Variants in NDUFAF6 observed in about 807,000 individuals in gnomAD.
The protein encoded by NDUFAF6 is NADH dehydrogenase (ubiquinone) complex I, assembly factor 6.
A neutral mutation model predicts 40.8 loss-of-function variants in NDUFAF6; 45 were observed. The observed-to-expected ratio is 1.10, with a 90% CI of 0.87 to 1.42. The LOEUF (loss-of-function observed/expected upper bound fraction) is 1.42, where lower values mean the gene tolerates loss of function less well. Among genes scored for constraint, NDUFAF6 ranks in the 40% most tolerant of loss-of-function variants. The pLI is 0.00. For missense variants in NDUFAF6, 435 were observed against 418.5 expected (o/e 1.04, Z -0.34); for synonymous variants, 185 against 155.9 (o/e 1.19, Z -1.39).
At chr8:95,048,651 C>A in intron 7 of NDUFAF6, 93 bp downstream of exon 7, 1 of 916,722 alleles carries the variant, frequency 1.1e-6, no homozygotes, top group Non-Finnish European at 1.8e-6. Flanking sequence ...CCCAACTTGG[C>A]AGTCTTTTTT....
chr8:94,911,966 G>C (rs1399730649), intron 1 of NDUFAF6, among the ~76,000 whole-genome samples: 1 of 152,172 alleles, frequency 6.6e-6, no homozygotes, highest in African/African-American at 2.4e-5. Flanking sequence ...ACTGCTGTTC[G>C]TAATGACAGT....
At chr8:95,033,949 A>G (rs1474132527) in intron 2 of NDUFAF6, 6 of 455,416 alleles carry the variant, frequency 1.3e-5, no homozygotes, top group Non-Finnish European at 2.7e-5. Flanking sequence ...TGAGTGAGAT[A>G]GGCAGCCACT....
chr8:95,110,597 C>T (rs1299820511), intron 4 of NDUFAF6, among the ~76,000 whole-genome samples: 1 of 152,170 alleles, frequency 6.6e-6, no homozygotes, highest in Non-Finnish European at 1.5e-5. Context: ...AGAAGTTAAG[C>T]CACTGATTGA....
chr8:95,009,312 C>G (rs919292286), intron 2 of NDUFAF6, among the ~76,000 whole-genome samples: 2 of 152,114 alleles, frequency 1.3e-5, no homozygotes, highest in African/African-American at 4.8e-5. Context: ...TACATATATA[C>G]CTCCATACGT....
chr8:94,979,967 C>T lies in NDUFAF6; in HGVS notation c.-198-892C>T, dbSNP rs188143059. ...AAAAAATCAGCTTGGTGTGGTGGCGCGCACCTGTAATCCCAGCTACTCGGG... is the reference window on the plus strand; with the variant it reads ...AAAAAATCAGCTTGGTGTGGTGGCGTGCACCTGTAATCCCAGCTACTCGGG... On this transcript the variant is annotated intron_variant, in intron 1 of 9. Coordinates refer to the NDUFAF6 transcript ENST00000396111. Among the ~76,000 whole-genome samples, 83 of 151,982 alleles carry T rather than the reference C, an allele frequency of 5.5e-4. 1 individual carries two copies. Among genetic ancestry groups the T allele is most frequent in the African/African-American group, 1.8e-3 (73 of 41,496 alleles).
At chr8:94,945,907 C>A (rs1030141180) in intron 2 of NDUFAF6, among the ~76,000 whole-genome samples, 9 of 152,154 alleles carry the variant, frequency 5.9e-5, no homozygotes, top group African/African-American at 2.2e-4. Flanking sequence ...GTGTCTGGGC[C>A]CTAGCATTTC....
At chr8:94,990,424 C>T (rs957341045) in intron 2 of NDUFAF6, among the ~76,000 whole-genome samples, 2 of 152,080 alleles carry the variant, frequency 1.3e-5, no homozygotes, top group African/African-American at 4.8e-5. Context: ...CATTTACATC[C>T]GAAAAGCTGA....
intron 2 of NDUFAF6, among the ~76,000 whole-genome samples, chr8:94,985,467 T>TTTTATATA (rs1158887739): frequency 3.5e-4 from 10 of 28,604 alleles, no homozygotes; most frequent in Admixed American, 7.1e-4. Flanking sequence ...AAAACAATAA[T>TTTTATATA]TATATATATA....
intron 2 of NDUFAF6, among the ~76,000 whole-genome samples, chr8:95,082,999 T>C (rs149160333): frequency 1.7e-4 from 26 of 152,288 alleles, no homozygotes; most frequent in African/African-American, 6.0e-4. Flanking sequence ...CAGGCTGGTC[T>C]CGAGCTCCTG....
intron 1 of NDUFAF6, among the ~76,000 whole-genome samples, chr8:94,916,916 C>T (rs1819171180): frequency 2.6e-5 from 4 of 151,444 alleles, no homozygotes; most frequent in Non-Finnish European, 5.9e-5. Context: ...AGATCAAGAC[C>T]ATCCTGGCTA....
In NDUFAF6 at chr8:94,909,348, C is replaced by CAAAAAAAA. The variant is rs556065794; in HGVS notation, c.-936+13448_-936+13455dup. Among the ~76,000 whole-genome samples the CAAAAAAAA allele has an allele frequency of 8.1e-4, 74 of 91,900 alleles. 6 individuals carry two copies. The highest frequency in any genetic ancestry group is 3.2e-3 in the African/African-American group (63 of 19,642). The allele number at this position is 91,900 out of a possible 152,430, so 60.3% of individuals were successfully genotyped here. A position where few individuals can be genotyped will look rare whatever the true frequency, so the allele number is the denominator to read the frequency against. ...TGGACGACAGAGGGAGACTCCGTCT[C>CAAAAAAAA]AAAAAAAAAAAAAAAAAAAAAAAAA... On this transcript the variant is annotated intron_variant, in intron 1 of 14. Transcript: ENST00000396113.
chr8:94,927,921 A>AAG (rs779296490), intron 1 of NDUFAF6: 17 of 152,292 alleles, frequency 1.1e-4, no homozygotes, highest in Non-Finnish European at 2.4e-4. Flanking sequence ...GCAAAAAAAA[A>AAG]AGCTCATAAA....
chr8:95,008,273 T>G (rs890531270), intron 2 of NDUFAF6, among the ~76,000 whole-genome samples: 4 of 152,222 alleles, frequency 2.6e-5, no homozygotes, highest in African/African-American at 7.2e-5. Flanking sequence ...CATCAACTCT[T>G]ACCCATTTCA....
intron 1 of NDUFAF6, among the ~76,000 whole-genome samples, chr8:94,898,766 T>C (rs1465193043): frequency 1.3e-5 from 2 of 152,234 alleles, no homozygotes; most frequent in Non-Finnish European, 2.9e-5. Context: ...TTGTCTCTTT[T>C]TCCCCATTCA....
At chr8:95,041,385 T>G (rs1377024325) in intron 3 of NDUFAF6, among the ~76,000 whole-genome samples, 185 bp from the exon 4 acceptor site, 1 of 152,210 alleles carries the variant, frequency 6.6e-6, no homozygotes, top group Non-Finnish European at 1.5e-5. Flanking sequence ...CTTATAAATG[T>G]TTTGAAATAT....
rs762805477 is a variant in NDUFAF6 at position 95,045,572 on chromosome 8, C to T, written c.505C>T (p.Arg169Cys). The T allele has an allele frequency of 2.1e-5, 34 of 1,613,076 alleles. No homozygotes were observed. In the Admixed American group the frequency reaches 3.5e-4, roughly 17 times the overall value. The change falls in exon 5 of 9, where the codon CGT (arginine) becomes TGT (cysteine). Residue 169 changes from arginine (R) to cysteine (C), a missense_variant. Coordinates refer to ENST00000396124, the MANE Select transcript of NDUFAF6 (RefSeq NM_152416.4). Reference protein sequence around the residue: ...REKNLDDKAYRNIKELENYAE... With the variant: ...REKNLDDKAYCNIKELENYAE... The stretch of plus-strand genomic sequence containing the variant: ...AAAAAATCTGGATGACAAAGCATAT[C>T]GTAATATCAAGGAACTGGAAAATTA...
intron 9 of NDUFAF6, chr8:95,073,216 T>C (rs1832927109): frequency 6.6e-6 from 1 of 152,430 alleles, no homozygotes; most frequent in Non-Finnish European, 1.5e-5. Flanking sequence ...AACGGCGCTT[T>C]AGGCGGGTCC....
intron 2 of NDUFAF6, among the ~76,000 whole-genome samples, chr8:94,993,929 C>T (rs777045523): frequency 5.3e-5 from 8 of 151,984 alleles, no homozygotes; most frequent in Non-Finnish European, 1.2e-4. Context: ...CATGTTGAGG[C>T]AAATAGTGGG....
At chr8:95,116,516 C>T (rs945663013), downstream of NDUFAF6, 8 of 152,090 alleles carry the variant, frequency 5.3e-5, no homozygotes, top group African/African-American at 1.9e-4. Context: ...ACACAACCAG[C>T]TAATTTTTCT....
Sources: gnomAD v4.1 joint callset for allele counts (sites outside exome capture counted in the v4.1 genomes callset) on GRCh38, gnomAD v4.1.1 for gene constraint, MANE v1.5 for transcripts, NCBI Gene and HGNC (gene_info 2026-07-23, HGNC 2026-07-21) for gene names.